The following PDSS2 variants were observed in gnomAD, a reference collection of about 807,000 sequenced individuals.
PDSS2 encodes the protein decaprenyl diphosphate synthase subunit 2.
PDSS2 carries 31 observed loss-of-function variants against 44.5 expected under a neutral mutation model. The ratio of observed to expected loss-of-function variants is 0.70; its 90% confidence interval spans 0.52 to 0.94. The LOEUF (loss-of-function observed/expected upper bound fraction) is 0.94. Ranked by LOEUF, PDSS2 falls within the 40% of genes least tolerant of loss-of-function variation. PDSS2 has a pLI of 0.00. For synonymous variants in PDSS2, 157 were observed against 180.3 expected, an observed-to-expected ratio of 0.87 and a Z score of 1.03; for missense variants, 452 against 482.2, an observed-to-expected ratio of 0.94 and a Z score of 0.59.
intron 1 of PDSS2, among the ~76,000 whole-genome samples, chr6:107,427,081 C>T (rs1378943784): frequency 6.6e-6 from 1 of 152,154 alleles, no homozygotes; most frequent in East Asian, 1.9e-4. Flanking sequence ...CCACCCTAAT[C>T]TCATCTTGAA....
chr6:107,385,993 G>T (rs1779600389), intron 1 of PDSS2, among the ~76,000 whole-genome samples: 1 of 152,064 alleles, frequency 6.6e-6, no homozygotes, highest in South Asian at 2.1e-4. Context: ...CAGAATTTCT[G>T]CCTTAGAACT....
intron 2 of PDSS2, among the ~76,000 whole-genome samples, chr6:107,278,250 T>C (rs1214085949): frequency 6.6e-6 from 1 of 152,106 alleles, no homozygotes; most frequent in Non-Finnish European, 1.5e-5. Context: ...GTGAGTCAAA[T>C]AGTATCTAAG....
At chr6:107,264,241 C>T (rs1775339129) in intron 3 of PDSS2, 3 of 1,274,692 alleles carry the variant, frequency 2.4e-6, no homozygotes, top group Non-Finnish European at 3.0e-6. Flanking sequence ...GATTTATATG[C>T]ATAAATTGAG....
chr6:107,362,930 G>C (rs879822392), intron 1 of PDSS2, among the ~76,000 whole-genome samples: 1 of 152,048 alleles, frequency 6.6e-6, no homozygotes, highest in Non-Finnish European at 1.5e-5. Context: ...TGAAATAGCA[G>C]AAAAAGAAGC....
At chr6:107,261,084 C>A (rs1215761242) in intron 3 of PDSS2, among the ~76,000 whole-genome samples, 3 of 152,212 alleles carry the variant, frequency 2.0e-5, no homozygotes, top group Admixed American at 6.5e-5. Flanking sequence ...ACCTGAGGAA[C>A]TTTCTGAGTT....
chr6:107,384,048 T>C (rs561454201), intron 1 of PDSS2, among the ~76,000 whole-genome samples: 1 of 152,290 alleles, frequency 6.6e-6, no homozygotes, highest in South Asian at 2.1e-4. Flanking sequence ...TTACACAAAA[T>C]GTGGTATATA....
At chr6:107,383,104 C>T (rs1779502001) in intron 1 of PDSS2, among the ~76,000 whole-genome samples, 1 of 151,422 alleles carries the variant, frequency 6.6e-6, no homozygotes, top group South Asian at 2.1e-4. Flanking sequence ...AAGTTCAAGA[C>T]CAGCCTGGCC....
chr6:107,446,612 T>C (rs1781691745), intron 1 of PDSS2, among the ~76,000 whole-genome samples: 1 of 152,202 alleles, frequency 6.6e-6, no homozygotes, highest in African/African-American at 2.4e-5. Flanking sequence ...AGAGGCTTAA[T>C]TGACTCACAG....
chr6:107,424,814 A>C (rs1780940246), intron 1 of PDSS2, among the ~76,000 whole-genome samples: 1 of 152,242 alleles, frequency 6.6e-6, no homozygotes, highest in African/African-American at 2.4e-5. Flanking sequence ...GGATTAATGA[A>C]CTGATTCCTT....
chr6:107,441,783 C>A (rs929762226), intron 1 of PDSS2, among the ~76,000 whole-genome samples: 1 of 152,134 alleles, frequency 6.6e-6, no homozygotes, highest in Non-Finnish European at 1.5e-5. Context: ...ATTCTTTTCC[C>A]TTATTCTGTG....
intron 2 of PDSS2, among the ~76,000 whole-genome samples, chr6:107,319,680 A>G (rs1006431080): frequency 1.3e-5 from 2 of 152,252 alleles, no homozygotes; most frequent in Non-Finnish European, 2.9e-5. Context: ...AAAGCGCTGC[A>G]GACAATATAA....
chr6:107,454,353 TTCTTTATA>T (rs148032822), intron 1 of PDSS2, among the ~76,000 whole-genome samples: 2,382 of 152,272 alleles, frequency 0.016, 94 homozygotes, highest in Admixed American at 0.084. Flanking sequence ...TGGTCTAGAC[TTCTTTATA>T]TCACTTCATA....
chr6:107,257,231 CCT>C, intron 3 of PDSS2, among the ~76,000 whole-genome samples: 1 of 150,192 alleles, frequency 6.7e-6, no homozygotes, highest in South Asian at 2.1e-4. Flanking sequence ...CACATTGTAC[CCT>C]TGGATCAAAT....
intron 1 of PDSS2, among the ~76,000 whole-genome samples, chr6:107,396,856 TTTTTTA>T (rs949015912): frequency 1.6e-4 from 25 of 151,890 alleles, no homozygotes; most frequent in African/African-American, 5.1e-4. Flanking sequence ...GCCTGGCTGA[TTTTTTA>T]TTTTTATTTT....
intron 1 of PDSS2, among the ~76,000 whole-genome samples, chr6:107,454,720 A>G (rs1445488926): frequency 6.6e-6 from 1 of 152,062 alleles, no homozygotes; most frequent in Non-Finnish European, 1.5e-5. Context: ...CACCCCTAAC[A>G]TACCATGTAG....
chr6:107,436,576 G>A (rs1344068455), intron 1 of PDSS2, among the ~76,000 whole-genome samples: 1 of 151,934 alleles, frequency 6.6e-6, no homozygotes, highest in Non-Finnish European at 1.5e-5. Context: ...ACTCTATTTG[G>A]TTATACTTCT....
intron 1 of PDSS2, among the ~76,000 whole-genome samples, chr6:107,448,661 G>T (rs1781766731): frequency 6.6e-6 from 1 of 152,092 alleles, no homozygotes; most frequent in Admixed American, 6.5e-5. Flanking sequence ...ACCTCTGCCT[G>T]TTACCCAGCT....
intron 4 of PDSS2, among the ~76,000 whole-genome samples, chr6:107,216,610 TAA>T (rs1178868072): frequency 6.6e-6 from 1 of 152,176 alleles, no homozygotes; most frequent in African/African-American, 2.4e-5. Flanking sequence ...CGAATGAATA[TAA>T]AGACATATCA....
At chr6:107,201,537 T>C (rs1772778035) in intron 6 of PDSS2, among the ~76,000 whole-genome samples, 1 of 152,204 alleles carries the variant, frequency 6.6e-6, no homozygotes, top group African/African-American at 2.4e-5. Context: ...ATGTGGTCTT[T>C]TACTTTAAGA....
Sources: allele counts gnomAD v4.1 joint callset (sites outside exome capture counted in the v4.1 genomes callset), GRCh38; gene constraint gnomAD v4.1.1; transcripts MANE v1.5; gene names NCBI Gene and HGNC (gene_info 2026-07-23, HGNC 2026-07-21).